Variants in RXRA observed in about 807,000 individuals in gnomAD.
RXRA encodes the protein retinoid X receptor alpha, also known as retinoic acid receptor RXR-alpha.
RXRA carries 5 observed loss-of-function variants against 44.5 expected under a neutral mutation model. That is an observed-to-expected ratio of 0.11 (90% CI 0.06 to 0.24). The LOEUF is 0.24. RXRA is among the 10% of genes least tolerant of loss of function. The pLI, the probability that RXRA is intolerant of heterozygous loss-of-function variation, is 1.00. For missense variants in RXRA, 412 were observed against 646.5 expected, an observed-to-expected ratio of 0.64 and a Z score of 3.93; for synonymous variants, 291 against 271.4, an observed-to-expected ratio of 1.07 and a Z score of -0.71.
At chr9:134,436,316 T>G in intron 9 of RXRA, 151 bp from the exon 10 acceptor site, 1 of 734,490 alleles carries the variant, frequency 1.4e-6, no homozygotes, top group South Asian at 1.8e-5. Flanking sequence ...TCCTTCCTTC[T>G]GGAGGCTTGG....
At chr9:134,330,469 C>T (rs1336935118) in intron 1 of RXRA, among the ~76,000 whole-genome samples, 2 of 152,142 alleles carry the variant, frequency 1.3e-5, no homozygotes, top group African/African-American at 4.8e-5. Context: ...CCTTCCAGAC[C>T]TTTGTCCTGA....
rs985475404 is a variant in RXRA, at chr9:134,433,773, TGGAA to T, written c.1136-322_1136-319del. On this transcript the variant is annotated intron_variant, in intron 8 of 9. Transcript: ENST00000481739. This position sits in a 1 kb window ranked among gnomAD's most constrained non-coding sequence, Gnocchi z 4.2. ...TGTCTCTCCCAGTTCCCAAGGCGGC[TGGAA>T]GGAAGGCAGCAGATCCCTGACACTT... Among the ~76,000 whole-genome samples, 22 of 152,262 alleles carry T rather than the reference TGGAA, an allele frequency of 1.4e-4. No homozygotes were observed. Among genetic ancestry groups the T allele is most frequent in the African/African-American group, 5.3e-4 (22 of 41,558 alleles).
intron 1 of RXRA, among the ~76,000 whole-genome samples, chr9:134,329,391 A>G (rs1218139506): frequency 1.3e-5 from 2 of 152,186 alleles, no homozygotes; most frequent in Non-Finnish European, 2.9e-5. Flanking sequence ...TGTTTTGGTA[A>G]ACTCTGGAGG....
intron 1 of RXRA, among the ~76,000 whole-genome samples, chr9:134,353,096 G>A (rs530347636): frequency 6.6e-4 from 100 of 152,216 alleles, no homozygotes; most frequent in Non-Finnish European, 1.1e-3. Flanking sequence ...CCTTCTGGAG[G>A]GGGGAGGAGG....
At chr9:134,337,237 G>A (rs1014257152) in intron 1 of RXRA, among the ~76,000 whole-genome samples, 1 of 152,214 alleles carries the variant, frequency 6.6e-6, no homozygotes. Flanking sequence ...GTTGAAACTT[G>A]TAGCAGTGTG....
rs552322451 is a variant in RXRA, at chr9:134,392,261, C to G, written c.29-9371C>G. 4.7e-5 allele frequency among the ~76,000 whole-genome samples: 7 copies of G among 148,368 alleles called. No individual in the cohort carries two copies. In the South Asian group the frequency reaches 6.8e-4, roughly 14 times the overall value. On this transcript the variant is annotated intron_variant, in intron 1 of 9. Transcript: ENST00000481739. The stretch of plus-strand genomic sequence containing the variant: ...TCTGCCAGGACTGGGGCTTGACTCC[C>G]GCCCTCCCACCCTCCTAGCCTCTGC...
At chr9:134,403,861 G>C (rs934978683) in intron 2 of RXRA, 3 of 152,318 alleles carry the variant, frequency 2.0e-5, no homozygotes, top group African/African-American at 7.2e-5. Flanking sequence ...TGGGTGAGGA[G>C]CAGACGCGGG....
chr9:134,423,765 C>A (rs1831387127), intron 6 of RXRA: 1 of 985,334 alleles, frequency 1.0e-6, no homozygotes, highest in South Asian at 4.7e-5. Context: ...CAGGGGCTCC[C>A]CCAGAACCCT....
chr9:134,428,983 G>T (rs1831483270), intron 6 of RXRA, 125 bp from the exon 7 acceptor site: 2 of 1,167,426 alleles, frequency 1.7e-6, no homozygotes, highest in Non-Finnish European at 2.4e-6. Flanking sequence ...ATGGGATTGG[G>T]GTTCCAGAGC....
At chr9:134,353,540 A>T (rs1422454500) in intron 1 of RXRA, among the ~76,000 whole-genome samples, 2 of 152,192 alleles carry the variant, frequency 1.3e-5, no homozygotes, top group African/African-American at 4.8e-5. Context: ...TTCATTGCCC[A>T]GTGGTGCCCC....
intron 1 of RXRA, among the ~76,000 whole-genome samples, chr9:134,399,885 T>A (rs960194870): frequency 2.0e-5 from 3 of 152,178 alleles, no homozygotes; most frequent in Non-Finnish European, 4.4e-5. Context: ...CCAGGCCTCC[T>A]TTCTGCACCT....
Position 134,422,368 on chromosome 9 carries a change from C to T in RXRA, c.910+563C>T, listed in dbSNP as rs201082889. On this transcript the variant is annotated intron_variant, in intron 6 of 9. Coordinates refer to ENST00000481739, the MANE Select transcript of RXRA (RefSeq NM_002957.6). The stretch of plus-strand genomic sequence containing the variant: ...CCTCCCGGGACACACTCCCCGCTAC[C>T]GGGACACTCCCCCCTCCCGGGACAC... 609 of 1,264,540 alleles carry T rather than the reference C, an allele frequency of 4.8e-4. 1 individual carries two copies. In the African/African-American group the frequency reaches 7.3e-3, roughly 15 times the overall value. The allele number at this position is 1,264,540 out of a possible 1,614,324, so 78.3% of individuals were successfully genotyped here.
intron 1 of RXRA, among the ~76,000 whole-genome samples, chr9:134,373,626 A>C (rs1830517332): frequency 6.6e-6 from 1 of 152,142 alleles, no homozygotes; most frequent in African/African-American, 2.4e-5. Flanking sequence ...AGCTATCCAC[A>C]GAGAGGCCAG....
chr9:134,425,358 C>G, intron 6 of RXRA: 1 of 985,242 alleles, frequency 1.0e-6, no homozygotes, highest in South Asian at 4.7e-5. Flanking sequence ...CACCCTGACC[C>G]TTGTGTTTGT....
At position 134,426,240 on chromosome 9, in the gene RXRA, A is replaced by C; in HGVS notation, c.911-2868A>C. ...CCTTCTGAAAGGCCAGCGCACCCTGAGCCGTTTAAAGCTGTGTCCGTGCCG... is the reference window on the plus strand; with the variant it reads ...CCTTCTGAAAGGCCAGCGCACCCTGCGCCGTTTAAAGCTGTGTCCGTGCCG... On this transcript the variant is annotated intron_variant, in intron 6 of 9. Coordinates refer to ENST00000481739, the MANE Select transcript of RXRA (RefSeq NM_002957.6). The surrounding 1 kb of genome is among the most constrained non-coding windows in gnomAD (Gnocchi z 4.6). 1.2e-5 allele frequency: 12 copies of C among 985,394 alleles called. No individual in the cohort carries two copies. The highest frequency in any genetic ancestry group is 1.4e-5 in the Non-Finnish European group (12 of 829,920). 61.0% of individuals were successfully genotyped at this position (985,394 alleles called of 1,614,324 possible).
chr9:134,337,298 G>T (rs1830022301), intron 1 of RXRA, among the ~76,000 whole-genome samples: 1 of 152,208 alleles, frequency 6.6e-6, no homozygotes, highest in Non-Finnish European at 1.5e-5. Context: ...CCTGCCTGCT[G>T]TCTGTCCGTC....
intron 4 of RXRA, among the ~76,000 whole-genome samples, chr9:134,410,710 G>T (rs867830935): frequency 8.6e-5 from 13 of 151,812 alleles, no homozygotes; most frequent in East Asian, 3.8e-4. Flanking sequence ...TGGAGCTGGG[G>T]GGGGAAGGCC....
intron 1 of RXRA, among the ~76,000 whole-genome samples, chr9:134,390,097 G>A (rs1251577350): frequency 6.6e-6 from 1 of 152,208 alleles, no homozygotes; most frequent in Non-Finnish European, 1.5e-5. Context: ...GCCGGAGCCT[G>A]CGCTTGCCTG....
chr9:134,426,384 CGAGAAG>C lies in RXRA; in HGVS notation c.911-2720_911-2715del, dbSNP rs1831435023. 2.0e-6 allele frequency: 2 copies of C among 985,270 alleles called. No homozygotes were observed. Among genetic ancestry groups the C allele is most frequent in the Admixed American group, 6.2e-5 (1 of 16,260 alleles). The allele number at this position is 985,270 out of a possible 1,614,324, so 61.0% of individuals were successfully genotyped here. A position where few individuals can be genotyped will look rare whatever the true frequency, so the allele number is the denominator to read the frequency against. On this transcript the variant is annotated intron_variant, in intron 6 of 9. Coordinates refer to ENST00000481739, the MANE Select transcript of RXRA (RefSeq NM_002957.6). The surrounding 1 kb of genome is among the most constrained non-coding windows in gnomAD (Gnocchi z 4.6). ...TCCTCTCCTATTTTTCTCTTACATC[CGAGAAG>C]GAGGAGGGCAGCTTACAAAGGTGTG...
Sources: gnomAD v4.1 joint callset for allele counts (sites outside exome capture counted in the v4.1 genomes callset) on GRCh38, gnomAD v4.1.1 for gene constraint, Gnocchi (gnomAD v3.1) non-coding constraint, MANE v1.5 for transcripts, NCBI Gene and HGNC (gene_info 2026-07-23, HGNC 2026-07-21) for gene names.